Variants in CCDC171 observed in about 807,000 individuals in gnomAD.
CCDC171 encodes the protein coiled-coil domain containing 171.
In CCDC171, 177 loss-of-function variants were observed where a neutral mutation model predicts 168.2. The ratio of observed to expected loss-of-function variants is 1.05; its 90% confidence interval spans 0.93 to 1.19. The LOEUF is 1.19. Among genes scored for constraint, CCDC171 ranks in the 50% most tolerant of loss-of-function variants. The probability of loss-of-function intolerance (pLI) is 0.00; values close to 1 mark genes in which losing one functional copy is unlikely to be tolerated. For missense variants in CCDC171, 1,991 were observed against 1,539.0 expected (o/e 1.29, Z -4.91); for synonymous variants, 687 against 540.8 (o/e 1.27, Z -3.75).
rs909163174 is a variant in CCDC171, at chr9:15,973,747, CAAT to C, written c.*1912_*1914del. 48 of 152,236 alleles carry C rather than the reference CAAT, an allele frequency of 3.2e-4. No homozygotes were observed. The highest frequency in any genetic ancestry group is 1.2e-3 in the African/African-American group (48 of 41,550). The allele number at this position is 152,236 out of a possible 1,614,324, so 9.4% of individuals were successfully genotyped here. A position where few individuals can be genotyped will look rare whatever the true frequency, so the allele number is the denominator to read the frequency against. On this transcript the variant is annotated 3_prime_UTR_variant, in exon 26 of 26. Transcript: ENST00000380701. ...GAACACCTTTCTCTGCTGTTCCAAA[CAAT>C]GATTAGGATATTGTTCATACAGAAA... is the stretch of plus-strand genomic sequence containing the variant.
intron 6 of CCDC171, among the ~76,000 whole-genome samples, chr9:15,618,254 A>C (rs114192024): frequency 6.6e-6 from 1 of 152,186 alleles, no homozygotes; most frequent in Admixed American, 6.5e-5. Context: ...CAGTCTGGCC[A>C]CAGCCACTTT....
rs147408459 is a variant in CCDC171 at position 15,941,988 on chromosome 9, C to G, written c.3753+21566C>G. Among the ~76,000 whole-genome samples, 603 of 151,982 alleles carry G rather than the reference C, an allele frequency of 4.0e-3. 14 individuals are homozygous for G. The highest frequency in any genetic ancestry group is 0.035 in the Admixed American group (533 of 15,220). On this transcript the variant is annotated intron_variant, in intron 25 of 25. Coordinates refer to ENST00000380701, the MANE Select transcript of CCDC171 (RefSeq NM_173550.4). ...TTTTTAAATATACCATGCTCTCCCC[C>G]ATGAGCCTTTATGTATATGCTGATT...
chr9:15,907,056 A>C (rs1290158224), intron 24 of CCDC171, among the ~76,000 whole-genome samples: 3 of 152,238 alleles, frequency 2.0e-5, no homozygotes, highest in African/African-American at 7.2e-5. Flanking sequence ...AGGAAGAATC[A>C]ATATCGTGAA....
At chr9:15,554,087 T>G (rs957219679) in intron 1 of CCDC171, among the ~76,000 whole-genome samples, 5 of 151,618 alleles carry the variant, frequency 3.3e-5, no homozygotes, top group Non-Finnish European at 5.9e-5. Flanking sequence ...TGGCGCGATC[T>G]CGGCTCACTG....
chr9:15,910,353 C>G (rs1282127433), intron 24 of CCDC171, among the ~76,000 whole-genome samples: 1 of 152,024 alleles, frequency 6.6e-6, no homozygotes, highest in African/African-American at 2.4e-5. Context: ...TTTTTATTGA[C>G]TTTGTCAAAG....
chr9:16,088,716 A>G, the CCDC171 span, among the ~76,000 whole-genome samples: 1 of 152,356 alleles, frequency 6.6e-6, no homozygotes, highest in African/African-American at 2.4e-5. Context: ...AAGAGAGGAT[A>G]CAAACAAATG....
chr9:15,623,893 G>A (rs1433444880), intron 7 of CCDC171, among the ~76,000 whole-genome samples: 1 of 152,098 alleles, frequency 6.6e-6, no homozygotes, highest in African/African-American at 2.4e-5. Flanking sequence ...ATGAAAAACA[G>A]GATTTTTATT....
chr9:15,676,062 T>C (rs1055556132), intron 9 of CCDC171, among the ~76,000 whole-genome samples: 8 of 152,194 alleles, frequency 5.3e-5, no homozygotes, highest in Non-Finnish European at 1.0e-4. Context: ...TTGGAGGCCT[T>C]GTTCATTTCT....
At chr9:16,019,792 T>C (rs10962256) in intron 3 of CCDC171, among the ~76,000 whole-genome samples, 50,767 of 152,076 alleles carry the variant, frequency 0.33, 10,655 homozygotes, top group East Asian at 0.63. Context: ...TACAAGTGTG[T>C]GAATTCATTC....
intron 4 of CCDC171, among the ~76,000 whole-genome samples, chr9:15,581,447 A>G (rs1055903598): frequency 6.6e-6 from 1 of 152,170 alleles, no homozygotes; most frequent in Non-Finnish European, 1.5e-5. Flanking sequence ...GTTCATATGG[A>G]ACCAAAAAAG....
At chr9:15,755,358 G>A (rs368348897) in intron 18 of CCDC171, among the ~76,000 whole-genome samples, 26 of 152,300 alleles carry the variant, frequency 1.7e-4, no homozygotes, top group African/African-American at 6.0e-4. Context: ...CTTTGGAAAA[G>A]AGTCTGGAAG....
At chr9:15,635,793 T>C (rs1228262050) in intron 7 of CCDC171, among the ~76,000 whole-genome samples, 1 of 152,218 alleles carries the variant, frequency 6.6e-6, no homozygotes, top group African/African-American at 2.4e-5. Flanking sequence ...TTCAGTTGTC[T>C]TTATGATATA....
At chr9:15,786,591 A>AG (rs1477659587) in intron 21 of CCDC171, among the ~76,000 whole-genome samples, 1 of 152,166 alleles carries the variant, frequency 6.6e-6, no homozygotes, top group Non-Finnish European at 1.5e-5. Context: ...GGTATCTGTC[A>AG]GGCCTCTGAG....
At chr9:15,825,612 G>C (rs1166047275) in intron 21 of CCDC171, among the ~76,000 whole-genome samples, 1 of 152,064 alleles carries the variant, frequency 6.6e-6, no homozygotes, top group Non-Finnish European at 1.5e-5. Context: ...TTGAACTCAG[G>C]ATTGCCCAAC....
chr9:15,566,731 A>G (rs1231512969), intron 2 of CCDC171, among the ~76,000 whole-genome samples: 2 of 152,190 alleles, frequency 1.3e-5, no homozygotes, highest in Non-Finnish European at 1.5e-5. Context: ...TTGGTTTTGT[A>G]TATAAGAAAT....
chr9:15,590,202 TG>T (rs1296907343), intron 4 of CCDC171, among the ~76,000 whole-genome samples: 1 of 152,160 alleles, frequency 6.6e-6, no homozygotes. Flanking sequence ...GGCAGCTGAA[TG>T]GGAGGGGGAC....
At chr9:16,038,054 GA>G (rs1833505712), upstream of CCDC171, among the ~76,000 whole-genome samples, 1 of 152,042 alleles carries the variant, frequency 6.6e-6, no homozygotes, top group African/African-American at 2.4e-5. Context: ...AAGCAATGAA[GA>G]TTTTTTTTGT....
intron 18 of CCDC171, among the ~76,000 whole-genome samples, chr9:15,763,161 G>A (rs2056542420): frequency 1.3e-5 from 2 of 152,218 alleles, no homozygotes; most frequent in African/African-American, 2.4e-5. Flanking sequence ...GAGACACATA[G>A]GGTGAAGTCT....
chr9:15,857,057 A>T (rs1363006851), intron 23 of CCDC171, among the ~76,000 whole-genome samples: 1 of 151,930 alleles, frequency 6.6e-6, no homozygotes, highest in Non-Finnish European at 1.5e-5. Flanking sequence ...AAATGAGGTT[A>T]TTAGTTTCTT....
Sources: gnomAD v4.1 joint callset for allele counts (sites outside exome capture counted in the v4.1 genomes callset) on GRCh38, gnomAD v4.1.1 for gene constraint, MANE v1.5 for transcripts, NCBI Gene and HGNC (gene_info 2026-07-23, HGNC 2026-07-21) for gene names.